The following MPPED1 variants were observed in gnomAD, a reference collection of about 807,000 sequenced individuals.
MPPED1 encodes the protein metallophosphoesterase domain-containing protein 1.
A neutral mutation model predicts 36.2 loss-of-function variants in MPPED1; 16 were observed. The observed-to-expected ratio is 0.44, with a 90% CI of 0.30 to 0.67. MPPED1 has a LOEUF of 0.67. MPPED1 is among the 30% of genes least tolerant of loss of function. The probability of loss-of-function intolerance (pLI) is 0.10; values close to 1 mark genes in which losing one functional copy is unlikely to be tolerated. For missense variants in MPPED1, 307 were observed against 453.4 expected (o/e 0.68, Z 2.93); for synonymous variants, 199 against 191.3 (o/e 1.04, Z -0.33).
intron 1 of MPPED1, chr22:43,416,899 C>A: frequency 5.1e-6 from 4 of 776,934 alleles, no homozygotes; most frequent in Non-Finnish European, 6.3e-6. Context: ...TCGTTCTGTG[C>A]AATGGGAATG....
chr22:43,466,716 C>T (rs142490673), intron 3 of MPPED1, among the ~76,000 whole-genome samples: 377 of 152,274 alleles, frequency 2.5e-3, no homozygotes, highest in African/African-American at 8.8e-3. Context: ...ACCCCAGGGG[C>T]AGTGCCAGAC....
intron 3 of MPPED1, among the ~76,000 whole-genome samples, chr22:43,466,846 C>A (rs1405700999): frequency 6.6e-6 from 1 of 152,194 alleles, no homozygotes; most frequent in Non-Finnish European, 1.5e-5. Context: ...AGGCTCCTGC[C>A]CATGTTTCCC....
chr22:43,444,363 TC>T (rs1433844538), intron 3 of MPPED1, among the ~76,000 whole-genome samples: 2 of 132,442 alleles, frequency 1.5e-5, no homozygotes, highest in African/African-American at 2.7e-5. Flanking sequence ...TTTCTATCTA[TC>T]TTTTTTTTTT....
chr22:43,481,370 G>T (rs926333882), intron 4 of MPPED1, among the ~76,000 whole-genome samples: 1 of 152,066 alleles, frequency 6.6e-6, no homozygotes, highest in African/African-American at 2.4e-5. Context: ...GTGTAGGACC[G>T]CCCTGTCTTT....
At chr22:43,417,342 A>G (rs1326632865) in intron 1 of MPPED1, among the ~76,000 whole-genome samples, 2 of 151,870 alleles carry the variant, frequency 1.3e-5, no homozygotes, top group Non-Finnish European at 2.9e-5. Flanking sequence ...CTTGATTGGG[A>G]AGGAGATCAA....
chr22:43,427,805 G>A (rs758884545), intron 2 of MPPED1, among the ~76,000 whole-genome samples: 3 of 152,134 alleles, frequency 2.0e-5, no homozygotes, highest in East Asian at 1.9e-4. Flanking sequence ...TCCCCTTGCC[G>A]TGCCGCCCTC....
chr22:43,494,565 C>T (rs953379119), intron 4 of MPPED1, among the ~76,000 whole-genome samples: 7 of 152,156 alleles, frequency 4.6e-5, no homozygotes, highest in African/African-American at 1.7e-4. Context: ...GAGGTAAGAC[C>T]TACACGAATC....
At chr22:43,469,009 G>C (rs775154060) in intron 3 of MPPED1, among the ~76,000 whole-genome samples, 19 of 152,160 alleles carry the variant, frequency 1.2e-4, no homozygotes, top group African/African-American at 4.6e-4. Flanking sequence ...CTGTAGAGAG[G>C]CTTTTTCTTT....
chr22:43,452,383 G>A (rs1006170110), intron 3 of MPPED1, among the ~76,000 whole-genome samples: 10 of 152,084 alleles, frequency 6.6e-5, no homozygotes, highest in African/African-American at 2.4e-4. Flanking sequence ...CAGCACTGCT[G>A]CCTGTGGTTC....
chr22:43,482,215 A>T (rs1421223142), intron 4 of MPPED1, among the ~76,000 whole-genome samples: 1 of 152,104 alleles, frequency 6.6e-6, no homozygotes, highest in East Asian at 1.9e-4. Context: ...GCCTTGATTT[A>T]AAAAAAAGAG....
At chr22:43,500,308 T>G (rs367589354) in intron 5 of MPPED1, among the ~76,000 whole-genome samples, 216 of 65,118 alleles carry the variant, frequency 3.3e-3, no homozygotes, top group Non-Finnish European at 4.9e-3. Flanking sequence ...GTGGTGATGG[T>G]GATGGAGGTG....
intron 3 of MPPED1, among the ~76,000 whole-genome samples, chr22:43,454,020 C>A (rs4608624): frequency 0.95 from 144,285 of 152,018 alleles, 68,506 homozygotes; most frequent in East Asian, 1. Flanking sequence ...TTATTTATTT[C>A]TTTATTGAGA....
intron 3 of MPPED1, among the ~76,000 whole-genome samples, chr22:43,472,489 G>C (rs1931409162): frequency 6.6e-6 from 1 of 152,228 alleles, no homozygotes; most frequent in Non-Finnish European, 1.5e-5. Flanking sequence ...TGGCAGAGTG[G>C]GTCTGGGATC....
chr22:43,412,246 A>C (rs1426438863), intron 1 of MPPED1, 88 bp downstream of exon 1: 5 of 832,702 alleles, frequency 6.0e-6, no homozygotes, highest in Non-Finnish European at 7.2e-6. Flanking sequence ...GCGCTGGGCG[A>C]CGCCCGCGGC....
At position 43,499,169 on chromosome 22, in the gene MPPED1, G is replaced by A. The variant is rs1281860178; in HGVS notation, c.748+819G>A. On this transcript the variant is annotated intron_variant, in intron 5 of 6. Coordinates refer to ENST00000443721, the MANE Select transcript of MPPED1 (RefSeq NM_001044370.2). ...GGTGATGGTGGTGACGGAGGTGATG[G>A]TGGGAGGTGGAGATGGTGGTGGTGG... Among the ~76,000 whole-genome samples, 16 of 150,068 alleles carry A rather than the reference G, an allele frequency of 1.1e-4. No homozygotes were observed. In the South Asian group the frequency reaches 3.4e-3, roughly 32 times the overall value.
chr22:43,466,694 C>G (rs1052622356), intron 3 of MPPED1, among the ~76,000 whole-genome samples: 2 of 152,156 alleles, frequency 1.3e-5, no homozygotes, highest in Non-Finnish European at 2.9e-5. Context: ...CCACTATCCA[C>G]CTGCCCTGAT....
At chr22:43,435,333 T>G in intron 3 of MPPED1, 118 bp downstream of exon 3, 1 of 1,121,188 alleles carries the variant, frequency 8.9e-7, no homozygotes, top group South Asian at 1.6e-5. Flanking sequence ...CTCCTTGGCC[T>G]GTGCCTGCCT....
intron 4 of MPPED1, among the ~76,000 whole-genome samples, chr22:43,491,794 T>C (rs1482852058): frequency 1.4e-5 from 2 of 146,708 alleles, no homozygotes; most frequent in African/African-American, 5.2e-5. Flanking sequence ...GTGGTAATGA[T>C]TGAGGTGGTG....
At chr22:43,479,331 G>T (rs1931677065) in intron 4 of MPPED1, among the ~76,000 whole-genome samples, 1 of 152,250 alleles carries the variant, frequency 6.6e-6, no homozygotes, top group Admixed American at 6.5e-5. Context: ...AGGGAGCAGG[G>T]ATGAAACAAA....
Sources: allele counts gnomAD v4.1 joint callset (sites outside exome capture counted in the v4.1 genomes callset), GRCh38; gene constraint gnomAD v4.1.1; transcripts MANE v1.5; gene names NCBI Gene and HGNC (gene_info 2026-07-23, HGNC 2026-07-21).